KLHDC4: variants seen among roughly 807,000 people sequenced by gnomAD.
KLHDC4 encodes kelch domain containing 4.
KLHDC4 carries 90 observed loss-of-function variants against 62.4 expected under a neutral mutation model. The observed-to-expected ratio is 1.44, with a 90% CI of 1.22 to 1.72. The LOEUF is 1.72. KLHDC4 is among the 40% of genes most tolerant of loss of function. The probability of loss-of-function intolerance (pLI) is 0.00; values close to 1 mark genes in which losing one functional copy is unlikely to be tolerated. For missense variants in KLHDC4, 1,025 were observed against 699.7 expected, an observed-to-expected ratio of 1.47 and a Z score of -5.25; for synonymous variants, 386 against 284.4, an observed-to-expected ratio of 1.36 and a Z score of -3.59.
At chr16:87,702,433 C>T (rs1294218949) in exon 1 of KLHDC4, 1 of 368,576 alleles carries the variant, frequency 2.7e-6, no homozygotes, top group Admixed American at 3.7e-5. Flanking sequence ...CCCCGGCTTT[C>T]TCGCTTGGGC....
chr16:87,715,442 A>G (rs1325169572), intron 7 of KLHDC4, among the ~76,000 whole-genome samples: 1 of 152,010 alleles, frequency 6.6e-6, no homozygotes, highest in Non-Finnish European at 1.5e-5. Context: ...CCCACACTTC[A>G]TTCACTGCCC....
At chr16:87,700,365 G>A (rs543817601) in exon 1 of KLHDC4, 12 of 155,348 alleles carry the variant, frequency 7.7e-5, no homozygotes, top group African/African-American at 2.6e-4. Flanking sequence ...ACAAGCTTCA[G>A]GACATCATGA....
intron 7 of KLHDC4, among the ~76,000 whole-genome samples, chr16:87,717,186 A>G (rs1224448603): frequency 1.3e-5 from 2 of 150,292 alleles, no homozygotes; most frequent in African/African-American, 4.9e-5. Flanking sequence ...AGCCAAGATC[A>G]TGCCACTGCA....
chr16:87,725,541 G>C (rs1429760541), intron 7 of KLHDC4, among the ~76,000 whole-genome samples: 1 of 152,236 alleles, frequency 6.6e-6, no homozygotes, highest in East Asian at 1.9e-4. Flanking sequence ...TCAAAAGTTA[G>C]CTGTGGTTGA....
intron 2 of KLHDC4, among the ~76,000 whole-genome samples, chr16:87,761,686 C>T (rs1192020135): frequency 6.6e-6 from 1 of 152,296 alleles, no homozygotes; most frequent in East Asian, 1.9e-4. Context: ...TTCATCCCCA[C>T]GTCACGACCA....
At chr16:87,751,899 C>A (rs1176204335) in intron 4 of KLHDC4, among the ~76,000 whole-genome samples, 3 of 151,214 alleles carry the variant, frequency 2.0e-5, no homozygotes, top group Non-Finnish European at 2.9e-5. Context: ...TGGTGAAACC[C>A]TATTTCTACT....
intron 7 of KLHDC4, among the ~76,000 whole-genome samples, chr16:87,715,003 G>C (rs2036655197): frequency 6.6e-6 from 1 of 152,194 alleles, no homozygotes; most frequent in South Asian, 2.1e-4. Flanking sequence ...CAGAGGGCAG[G>C]CACTGCCCAC....
At chr16:87,734,958 GAATTGCCTGACGCCCCTCCCCCTCCTGAC>G (rs2041035075) in intron 5 of KLHDC4, among the ~76,000 whole-genome samples, 2 of 35,604 alleles carry the variant, frequency 5.6e-5, no homozygotes, top group Middle Eastern at 0.018. Context: ...CACTCCTGAC[GAATTGCCTGACGCCCCTCCCCCTCCTGAC>G]GAATTGCCTG....
At chr16:87,700,954 C>T (rs1460405519) in exon 1 of KLHDC4, 1 of 234,072 alleles carries the variant, frequency 4.3e-6, no homozygotes, top group Non-Finnish European at 8.6e-6. Flanking sequence ...GCGCCCAGGC[C>T]GCGTGTCAGG....
At chr16:87,759,402 A>G (rs576831038) in intron 2 of KLHDC4, among the ~76,000 whole-genome samples, 27 of 141,722 alleles carry the variant, frequency 1.9e-4, no homozygotes, top group South Asian at 2.3e-4. Context: ...TGGGCAACAA[A>G]AGCAAAACTC....
chr16:87,724,961 C>T (rs1428076459), intron 7 of KLHDC4, among the ~76,000 whole-genome samples: 2 of 152,132 alleles, frequency 1.3e-5, no homozygotes, highest in African/African-American at 4.8e-5. Flanking sequence ...CCCAGGTGTC[C>T]AACGAAAAAC....
chr16:87,722,933 TGG>T (rs2038682655), intron 7 of KLHDC4, among the ~76,000 whole-genome samples: 4 of 152,130 alleles, frequency 2.6e-5, no homozygotes, highest in African/African-American at 9.7e-5. Flanking sequence ...CAGGACCTCC[TGG>T]GAGCATGGAC....
exon 1 of KLHDC4, chr16:87,701,460 T>C (rs933216215): frequency 6.3e-5 from 22 of 348,744 alleles, no homozygotes; most frequent in African/African-American, 4.5e-4. Context: ...GAGCTGTGAA[T>C]GCGGCCACAG....
intron 8 of KLHDC4, 142 bp downstream of exon 8, chr16:87,714,356 A>G: frequency 2.7e-6 from 1 of 370,112 alleles, no homozygotes; most frequent in Non-Finnish European, 4.7e-6. Context: ...CCCACCCCGA[A>G]ATGAGCCATC....
At chr16:87,702,076 T>G (rs774612225) in exon 1 of KLHDC4, 1 of 454,834 alleles carries the variant, frequency 2.2e-6, no homozygotes, top group East Asian at 7.0e-5. Context: ...TGAGAACTTG[T>G]GACCCCCGAG....
chr16:87,723,549 G>A (rs1262695920), intron 7 of KLHDC4, among the ~76,000 whole-genome samples: 1 of 152,272 alleles, frequency 6.6e-6, no homozygotes, highest in East Asian at 1.9e-4. Flanking sequence ...TGTTCTCAGT[G>A]CCCTCCCACA....
chr16:87,699,084 G>C (rs1382053135), exon 1 of KLHDC4: 1 of 152,294 alleles, frequency 6.6e-6, no homozygotes, highest in African/African-American at 2.4e-5. Context: ...CCTGCAGACA[G>C]GTCCACCTCT....
intron 5 of KLHDC4, among the ~76,000 whole-genome samples, chr16:87,734,116 G>A (rs1449391882): frequency 6.6e-6 from 1 of 152,234 alleles, no homozygotes; most frequent in South Asian, 2.1e-4. Flanking sequence ...AGAGGCCAAG[G>A]TGGGCGGATC....
Position 87,748,824 on chromosome 16 carries a change from G to A in KLHDC4, c.370-15C>T. On this transcript the variant is annotated splice_polypyrimidine_tract_variant and intron_variant, in intron 4 of 11. Transcript: ENST00000270583. ...ACTACCACCGCCTGTGAAAAGAAAG[G>A]TGACAGGTCAGGGCACAGCCACACA... is the stretch of plus-strand genomic sequence containing the variant. The A allele has an allele frequency of 1.9e-6, 3 of 1,611,572 alleles. No homozygotes were observed. Among genetic ancestry groups the A allele is most frequent in the Non-Finnish European group, 2.5e-6 (3 of 1,179,562 alleles).
Sources: gnomAD v4.1 joint callset for allele counts (sites outside exome capture counted in the v4.1 genomes callset) on GRCh38, gnomAD v4.1.1 for gene constraint, MANE v1.5 for transcripts, NCBI Gene and HGNC (gene_info 2026-07-23, HGNC 2026-07-21) for gene names.